TRAPPC9: variants seen among roughly 807,000 people sequenced by gnomAD.
The protein encoded by TRAPPC9 is IKK2 binding protein.
A neutral mutation model predicts 124.0 loss-of-function variants in TRAPPC9; 83 were observed. That is an observed-to-expected ratio of 0.67 (90% CI 0.56 to 0.80). The LOEUF (loss-of-function observed/expected upper bound fraction) is 0.80. Among genes scored for constraint, TRAPPC9 ranks in the 30% least tolerant of loss-of-function variants. The pLI, the probability that TRAPPC9 is intolerant of heterozygous loss-of-function variation, is 0.00. For missense variants in TRAPPC9, 1,302 were observed against 1,508.3 expected, an observed-to-expected ratio of 0.86 and a Z score of 2.27; for synonymous variants, 638 against 617.5, an observed-to-expected ratio of 1.03 and a Z score of -0.49.
chr8:140,060,871 G>A (rs780327392), intron 17 of TRAPPC9, among the ~76,000 whole-genome samples: 2 of 152,324 alleles, frequency 1.3e-5, no homozygotes, highest in African/African-American at 2.4e-5. Context: ...GAGATCTTAG[G>A]GCGAAGGCCA....
chr8:140,368,150 TG>T (rs772397886), intron 8 of TRAPPC9, among the ~76,000 whole-genome samples: 251 of 152,292 alleles, frequency 1.6e-3, no homozygotes, highest in Non-Finnish European at 2.2e-3. Context: ...CTCATACTGT[TG>T]GTGGAGTTCA....
At chr8:140,236,099 T>C (rs7837184) in intron 16 of TRAPPC9, among the ~76,000 whole-genome samples, 420 of 141,894 alleles carry the variant, frequency 3.0e-3, no homozygotes, top group East Asian at 7.3e-3. Context: ...TTTTTTTTTT[T>C]TGAGACAGAG....
Position 140,330,330 on chromosome 8 carries a change from T to C in TRAPPC9, c.1496-18956A>G, listed in dbSNP as rs144627564. On this transcript the variant is annotated intron_variant, in intron 9 of 22. Coordinates refer to ENST00000438773, the MANE Select transcript of TRAPPC9 (RefSeq NM_001160372.4). ...AAGTCACATGCCACCACTATAAATATTAATGATATGACAAACCAGGAGATA... is the reference window on the plus strand; with the variant it reads ...AAGTCACATGCCACCACTATAAATACTAATGATATGACAAACCAGGAGATA... Among the ~76,000 whole-genome samples the C allele has an allele frequency of 7.2e-4, 110 of 152,296 alleles. 1 individual carries two copies. In the East Asian group the frequency reaches 0.017, roughly 23 times the overall value.
At chr8:140,141,651 T>C (rs2061383472) in intron 17 of TRAPPC9, among the ~76,000 whole-genome samples, 1 of 152,192 alleles carries the variant, frequency 6.6e-6, no homozygotes, top group African/African-American at 2.4e-5. Context: ...TGAATATTCA[T>C]AAAGAGATAC....
chr8:140,171,586 A>G (rs1027721610), intron 17 of TRAPPC9, among the ~76,000 whole-genome samples: 1 of 152,176 alleles, frequency 6.6e-6, no homozygotes, highest in African/African-American at 2.4e-5. Context: ...GCAAGGGATA[A>G]AAGTACCTGT....
At chr8:140,318,979 C>G (rs752579262) in intron 9 of TRAPPC9, among the ~76,000 whole-genome samples, 58 of 152,098 alleles carry the variant, frequency 3.8e-4, no homozygotes, top group Admixed American at 9.8e-4. Context: ...GATGTCTGTT[C>G]CACATGCCAA....
chr8:140,262,320 C>A (rs2064445964), intron 15 of TRAPPC9, among the ~76,000 whole-genome samples: 1 of 151,746 alleles, frequency 6.6e-6, no homozygotes, highest in Non-Finnish European at 1.5e-5. Context: ...GGCCAGACAC[C>A]TTCATCCCCT....
At chr8:140,034,735 A>T (rs1000196866) in intron 17 of TRAPPC9, among the ~76,000 whole-genome samples, 10 of 152,232 alleles carry the variant, frequency 6.6e-5, no homozygotes, top group African/African-American at 2.4e-4. Flanking sequence ...TCCTACCACA[A>T]TGCAGCACAG....
intron 21 of TRAPPC9, among the ~76,000 whole-genome samples, chr8:139,758,590 G>A (rs1036937770): frequency 2.0e-5 from 3 of 152,166 alleles, no homozygotes; most frequent in African/African-American, 4.8e-5. Context: ...CACCTCGTGG[G>A]TTCAGCTGAT....
At chr8:139,752,582 A>G (rs1452165811) in intron 21 of TRAPPC9, among the ~76,000 whole-genome samples, 1 of 149,070 alleles carries the variant, frequency 6.7e-6, no homozygotes, top group Non-Finnish European at 1.5e-5. Flanking sequence ...TCAATCCAGC[A>G]TCCACCCATC....
At chr8:140,053,526 A>G (rs540913649) in intron 17 of TRAPPC9, among the ~76,000 whole-genome samples, 1 of 152,324 alleles carries the variant, frequency 6.6e-6, no homozygotes, top group Non-Finnish European at 1.5e-5. Flanking sequence ...AGAAAAATGT[A>G]TAATCTGCCA....
intron 21 of TRAPPC9, among the ~76,000 whole-genome samples, chr8:139,759,665 C>G (rs1469387496): frequency 2.0e-5 from 3 of 152,180 alleles, no homozygotes; most frequent in Non-Finnish European, 1.5e-5. Flanking sequence ...TTCTGAAAGG[C>G]AGCCTCCTCT....
At position 139,918,551 on chromosome 8, in the gene TRAPPC9, A is replaced by G. The variant is rs535893139; in HGVS notation, c.2811-8251T>C. Among the ~76,000 whole-genome samples the G allele has an allele frequency of 2.1e-3, 313 of 152,258 alleles. 1 individual carries two copies. The highest frequency in any genetic ancestry group is 3.8e-3 in the Non-Finnish European group (256 of 68,010). On this transcript the variant is annotated intron_variant, in intron 19 of 22. Transcript: ENST00000438773. The stretch of plus-strand genomic sequence containing the variant: ...GCGAGGGGCCCTCCCCGGCCCTCCC[A>G]CCACGGAGCCGGCTCCCCTTGCCCT...
intron 9 of TRAPPC9, among the ~76,000 whole-genome samples, chr8:140,351,232 C>A (rs2067564694): frequency 8.0e-6 from 1 of 124,618 alleles, no homozygotes; most frequent in Non-Finnish European, 1.7e-5. Flanking sequence ...ACCCCTCCAG[C>A]CCCCCACGCT....
intron 17 of TRAPPC9, among the ~76,000 whole-genome samples, chr8:140,133,446 C>G (rs2061240483): frequency 6.6e-6 from 1 of 152,216 alleles, no homozygotes; most frequent in Non-Finnish European, 1.5e-5. Flanking sequence ...GAAAAACCCA[C>G]AGCTAACATC....
intron 21 of TRAPPC9, among the ~76,000 whole-genome samples, chr8:139,850,393 AGC>A (rs1400495156): frequency 1.3e-5 from 2 of 152,190 alleles, no homozygotes; most frequent in African/African-American, 4.8e-5. Context: ...GATAGCCCAA[AGC>A]ACCAGTGCCC....
Position 139,995,411 on chromosome 8 carries a change from G to A in TRAPPC9, c.2700-6575C>T, listed in dbSNP as rs146250679. On this transcript the variant is annotated intron_variant, in intron 18 of 22. Transcript: ENST00000438773. ...AACCACAGGAGATAATGACATCAGA[G>A]CAGTATTGGCGGGACAGGCTCACAC... Among the ~76,000 whole-genome samples the A allele has an allele frequency of 3.0e-3, 459 of 152,258 alleles. 3 individuals carry two copies. The highest frequency in any genetic ancestry group is 0.011 in the African/African-American group (447 of 41,544).
intron 20 of TRAPPC9, among the ~76,000 whole-genome samples, chr8:139,897,104 T>C (rs894915580): frequency 1.3e-5 from 2 of 152,148 alleles, no homozygotes; most frequent in African/African-American, 4.8e-5. Context: ...CAGCTCATGT[T>C]CTCATATCTG....
At chr8:140,342,569 G>C (rs2067224597) in intron 9 of TRAPPC9, among the ~76,000 whole-genome samples, 1 of 152,090 alleles carries the variant, frequency 6.6e-6, no homozygotes, top group Admixed American at 6.5e-5. Context: ...TGCATAAATT[G>C]CAATGGAAAC....
Sources: allele counts gnomAD v4.1 joint callset (sites outside exome capture counted in the v4.1 genomes callset), GRCh38; gene constraint gnomAD v4.1.1; transcripts MANE v1.5; gene names NCBI Gene and HGNC (gene_info 2026-07-23, HGNC 2026-07-21).